ANK3: variants seen among roughly 807,000 people sequenced by gnomAD.
ANK3 encodes ankyrin-3.
Under a neutral mutation model 370.9 loss-of-function variants are expected in ANK3, and 57 were observed. That is an observed-to-expected ratio of 0.15 (90% CI 0.12 to 0.19). ANK3 has a LOEUF of 0.19. Ranked by LOEUF, ANK3 falls within the 10% of genes least tolerant of loss-of-function variation. The probability of loss-of-function intolerance (pLI) is 1.00; values close to 1 mark genes in which losing one functional copy is unlikely to be tolerated. For missense variants in ANK3, 4,439 were observed against 5,302.1 expected (o/e 0.84, Z 5.06); for synonymous variants, 1,929 against 1,946.3 (o/e 0.99, Z 0.23).
chr10:60,653,162 T>C (rs12779419), intron 1 of ANK3, among the ~76,000 whole-genome samples: 22,669 of 152,136 alleles, frequency 0.15, 2,145 homozygotes, highest in South Asian at 0.27. Context: ...GAGTACCCAC[T>C]TGACGAATTA....
chr10:60,034,344 G>A (rs1425719970), intron 43 of ANK3, among the ~76,000 whole-genome samples: 1 of 152,076 alleles, frequency 6.6e-6, no homozygotes, highest in African/African-American at 2.4e-5. Context: ...CTGACCGCAG[G>A]TGATCTGCCC....
At chr10:60,363,415 T>C (rs2058928560) in intron 1 of ANK3, among the ~76,000 whole-genome samples, 1 of 152,168 alleles carries the variant, frequency 6.6e-6, no homozygotes, top group Non-Finnish European at 1.5e-5. Context: ...AACAAATATA[T>C]CACTCCTCCA....
chr10:60,032,248 C>CTGGAA (rs964800827), intron 43 of ANK3, among the ~76,000 whole-genome samples: 1 of 115,748 alleles, frequency 8.6e-6, no homozygotes, highest in Non-Finnish European at 1.7e-5. Flanking sequence ...GTCGCCCAGG[C>CTGGAA]TGGAATGGAA....
At chr10:60,454,205 A>G (rs2064685725) in intron 2 of ANK3, among the ~76,000 whole-genome samples, 1 of 152,124 alleles carries the variant, frequency 6.6e-6, no homozygotes, top group African/African-American at 2.4e-5. Flanking sequence ...CTTGGAGTAG[A>G]AACTTCTCAA....
intron 2 of ANK3, among the ~76,000 whole-genome samples, chr10:60,542,372 C>A (rs2076869628): frequency 6.6e-6 from 1 of 151,876 alleles, no homozygotes; most frequent in African/African-American, 2.4e-5. Context: ...CCTCAATACA[C>A]CACTTTACAA....
At chr10:60,557,353 A>T (rs537299589) in intron 2 of ANK3, among the ~76,000 whole-genome samples, 1 of 152,356 alleles carries the variant, frequency 6.6e-6, no homozygotes, top group South Asian at 2.1e-4. Context: ...ATGAACATTA[A>T]AAACATGCCA....
Position 60,279,652 on chromosome 10 carries a change from A to G in ANK3, c.115-13T>C, listed in dbSNP as rs748562280. The G allele has an allele frequency of 1.9e-6, 3 of 1,600,408 alleles. No individual in the cohort carries two copies. Among genetic ancestry groups the G allele is most frequent in the African/African-American group, 1.3e-5 (1 of 74,222 alleles). On this transcript the variant is annotated splice_polypyrimidine_tract_variant and intron_variant, in intron 1 of 43. Coordinates refer to ENST00000280772, the MANE Select transcript of ANK3 (RefSeq NM_020987.5). ...CATTGGCATCAGACTAAAATAAAAA[A>G]GAAACACATTTTGATGAAAAATGAA...
intron 8 of ANK3, among the ~76,000 whole-genome samples, chr10:60,232,875 A>T (rs1215249453): frequency 6.6e-6 from 1 of 152,200 alleles, no homozygotes; most frequent in Non-Finnish European, 1.5e-5. Flanking sequence ...GCAAGGAATA[A>T]AAAATGAAGT....
intron 1 of ANK3, among the ~76,000 whole-genome samples, chr10:60,698,781 T>C (rs1433583879): frequency 1.3e-4 from 19 of 144,732 alleles, no homozygotes; most frequent in Non-Finnish European, 2.7e-4. Flanking sequence ...AGGGATAGCA[T>C]TAGGAGATAT....
intron 16 of ANK3, among the ~76,000 whole-genome samples, chr10:60,189,232 C>T (rs1237287119): frequency 6.6e-6 from 1 of 152,166 alleles, no homozygotes; most frequent in African/African-American, 2.4e-5. Flanking sequence ...GCGGTGCATG[C>T]CTGTAGTCTC....
At chr10:60,552,116 C>G (rs2077101626) in intron 2 of ANK3, among the ~76,000 whole-genome samples, 1 of 152,036 alleles carries the variant, frequency 6.6e-6, no homozygotes, top group Non-Finnish European at 1.5e-5. Flanking sequence ...AGGCGGCCGC[C>G]TGGACAATAC....
At chr10:60,388,725 A>C (rs1177146547) in intron 1 of ANK3, among the ~76,000 whole-genome samples, 1 of 152,192 alleles carries the variant, frequency 6.6e-6, no homozygotes, top group African/African-American at 2.4e-5. Context: ...TAAAGCAATC[A>C]GTGTTGAAGG....
chr10:60,361,209 A>AT (rs1166548721), intron 1 of ANK3, among the ~76,000 whole-genome samples: 10 of 152,170 alleles, frequency 6.6e-5, no homozygotes, highest in Non-Finnish European at 1.2e-4. Flanking sequence ...CACAGAATTA[A>AT]TGTGTACCTT....
chr10:60,225,188 C>T (rs2097120862), intron 8 of ANK3, among the ~76,000 whole-genome samples: 1 of 152,148 alleles, frequency 6.6e-6, no homozygotes, highest in Non-Finnish European at 1.5e-5. Context: ...GCTAGGATTA[C>T]AGGCATGAGC....
chr10:60,674,293 A>G (rs940630028), intron 1 of ANK3, among the ~76,000 whole-genome samples: 3 of 152,142 alleles, frequency 2.0e-5, no homozygotes, highest in African/African-American at 4.8e-5. Context: ...TATAAAGAAA[A>G]GAGGTTTATT....
At chr10:60,141,220 G>A (rs1418746115) in intron 23 of ANK3, among the ~76,000 whole-genome samples, 1 of 152,176 alleles carries the variant, frequency 6.6e-6, no homozygotes, top group African/African-American at 2.4e-5. Flanking sequence ...GGGAGCAGAA[G>A]TGAGACAAGT....
At chr10:60,693,370 T>A (rs1328628412) in intron 1 of ANK3, among the ~76,000 whole-genome samples, 1 of 152,196 alleles carries the variant, frequency 6.6e-6, no homozygotes, top group African/African-American at 2.4e-5. Context: ...CAAAGCAGCC[T>A]GGAAGCTCGA....
At chr10:60,380,719 A>T (rs1027396278) in intron 1 of ANK3, among the ~76,000 whole-genome samples, 10 of 152,158 alleles carry the variant, frequency 6.6e-5, no homozygotes, top group Non-Finnish European at 1.3e-4. Context: ...GCAATAAAAA[A>T]ATCACAGAGG....
At chr10:60,089,923 G>C (rs1318661469) in intron 28 of ANK3, among the ~76,000 whole-genome samples, 1 of 151,914 alleles carries the variant, frequency 6.6e-6, no homozygotes, top group Non-Finnish European at 1.5e-5. Flanking sequence ...TTATTTAAAA[G>C]ATGGTATTTA....
Sources: allele counts gnomAD v4.1 joint callset (sites outside exome capture counted in the v4.1 genomes callset), GRCh38; gene constraint gnomAD v4.1.1; transcripts MANE v1.5; gene names NCBI Gene and HGNC (gene_info 2026-07-23, HGNC 2026-07-21).